AP3B1: variants seen among roughly 807,000 people sequenced by gnomAD.
AP3B1 encodes the protein adaptor related protein complex 3 subunit beta 1, also known as AP-3 complex subunit beta-1.
AP3B1 carries 61 observed loss-of-function variants against 132.5 expected under a neutral mutation model. The observed-to-expected ratio is 0.46, with a 90% CI of 0.37 to 0.57. AP3B1 has a LOEUF of 0.57. Among genes scored for constraint, AP3B1 ranks in the 20% least tolerant of loss-of-function variants. The pLI is 0.00. For synonymous variants in AP3B1, 388 were observed against 438.3 expected (o/e 0.89, Z 1.43); for missense variants, 1,120 against 1,289.4 (o/e 0.87, Z 2.01).
chr5:78,119,617 A>C (rs1752060178), intron 17 of AP3B1, among the ~76,000 whole-genome samples: 1 of 152,198 alleles, frequency 6.6e-6, no homozygotes, highest in African/African-American at 2.4e-5. Context: ...GAATGAAATG[A>C]AGTGAGAAGG....
At chr5:78,177,280 T>C (rs1744184675) in intron 9 of AP3B1, 59 bp downstream of exon 9, 1 of 1,152,824 alleles carries the variant, frequency 8.7e-7, no homozygotes, top group Non-Finnish European at 1.3e-6. Flanking sequence ...ATTACATTTG[T>C]TCAAACATTA....
chr5:78,215,455 G>A lies in AP3B1; in HGVS notation c.786+600C>T, dbSNP rs375199491. 9.9e-5 allele frequency among the ~76,000 whole-genome samples: 15 copies of A among 151,744 alleles called. No individual in the cohort carries two copies. In the East Asian group the frequency reaches 2.9e-3, roughly 29 times the overall value. On this transcript the variant is annotated intron_variant, in intron 7 of 26. Transcript: ENST00000255194. Reference sequence around the variant, plus strand: ...AGGCATACTTAAAAAAAAGAATAAGGCGTACTTCTAATGTTAATCTGCACA... The same window carrying A: ...AGGCATACTTAAAAAAAAGAATAAGACGTACTTCTAATGTTAATCTGCACA...
chr5:78,162,709 T>A (rs1198625946), intron 13 of AP3B1, 110 bp downstream of exon 13: 1 of 1,156,416 alleles, frequency 8.6e-7, no homozygotes, highest in East Asian at 2.4e-5. Flanking sequence ...ATACTACTGA[T>A]ATAACTGGAA....
At chr5:78,093,343 C>T (rs1393856819) in intron 21 of AP3B1, among the ~76,000 whole-genome samples, 2 of 152,134 alleles carry the variant, frequency 1.3e-5, no homozygotes, top group Non-Finnish European at 2.9e-5. Context: ...AGACATGAGC[C>T]ACCACACCAA....
intron 2 of AP3B1, among the ~76,000 whole-genome samples, chr5:78,246,708 G>GT (rs1355996371): frequency 6.6e-6 from 1 of 151,714 alleles, no homozygotes; most frequent in African/African-American, 2.4e-5. Context: ...AATTTGTCCT[G>GT]TTTTTTCTTG....
chr5:78,204,485 C>T (rs970390005), intron 7 of AP3B1, among the ~76,000 whole-genome samples: 7 of 152,166 alleles, frequency 4.6e-5, no homozygotes, highest in African/African-American at 1.7e-4. Context: ...TAACCCTACG[C>T]ATGAAATGGA....
intron 11 of AP3B1, among the ~76,000 whole-genome samples, chr5:78,172,985 A>G (rs1743986384): frequency 6.6e-6 from 1 of 152,208 alleles, no homozygotes; most frequent in South Asian, 2.1e-4. Context: ...GGTTTCAAAG[A>G]ACAGCTTTAT....
intron 22 of AP3B1, 117 bp downstream of exon 22, chr5:78,089,276 T>C (rs914784375): frequency 1.4e-5 from 11 of 787,936 alleles, no homozygotes; most frequent in Admixed American, 4.5e-5. Flanking sequence ...ATTGGGCTTG[T>C]TCTTAGAGAA....
chr5:78,293,072 T>C (rs887831031), intron 1 of AP3B1, among the ~76,000 whole-genome samples: 3 of 151,716 alleles, frequency 2.0e-5, no homozygotes, highest in Non-Finnish European at 2.9e-5. Context: ...AGAGACGGGG[T>C]TTCACCATGT....
chr5:78,176,466 T>C (rs1043506760), intron 9 of AP3B1, among the ~76,000 whole-genome samples: 5 of 152,126 alleles, frequency 3.3e-5, no homozygotes, highest in African/African-American at 1.2e-4. Context: ...AGAGCTACAA[T>C]TGTGGACTAA....
intron 4 of AP3B1, 91 bp from the exon 5 acceptor site, chr5:78,227,623 T>A: frequency 8.0e-7 from 1 of 1,254,748 alleles, no homozygotes; most frequent in Non-Finnish European, 1.1e-6. Context: ...GCTTAAAGGG[T>A]GTAATATGAC....
Position 78,024,215 on chromosome 5 carries a change from T to C in AP3B1, c.2895-3426A>G, listed in dbSNP as rs186684833. On this transcript the variant is annotated intron_variant, in intron 24 of 26. Coordinates refer to ENST00000255194, the MANE Select transcript of AP3B1 (RefSeq NM_003664.5). ...TGGTGAAGGACTAGAAGAAGATGTA[T>C]GTATACATACATGGAATACATATAT... 2.0e-3 allele frequency among the ~76,000 whole-genome samples: 308 copies of C among 152,210 alleles called. 2 individuals carry two copies. The highest frequency in any genetic ancestry group is 6.6e-3 in the African/African-American group (276 of 41,526).
At chr5:78,099,583 A>T (rs530948213) in intron 21 of AP3B1, among the ~76,000 whole-genome samples, 2 of 152,316 alleles carry the variant, frequency 1.3e-5, no homozygotes, top group South Asian at 4.1e-4. Context: ...GTTTATCAGT[A>T]GGATAAATTT....
intron 22 of AP3B1, among the ~76,000 whole-genome samples, chr5:78,040,512 A>G (rs1247112701): frequency 6.6e-6 from 1 of 152,154 alleles, no homozygotes; most frequent in East Asian, 1.9e-4. Context: ...TCTATTGAAC[A>G]TTAGACTCTT....
At chr5:78,181,427 C>T (rs2112413834) in intron 8 of AP3B1, 80 bp downstream of exon 8, 1 of 1,338,936 alleles carries the variant, frequency 7.5e-7, no homozygotes, top group South Asian at 1.2e-5. Context: ...CACACACAGA[C>T]TCACTTACTA....
intron 3 of AP3B1, among the ~76,000 whole-genome samples, chr5:78,238,064 G>A (rs1011820537): frequency 1.3e-5 from 2 of 152,184 alleles, no homozygotes; most frequent in Non-Finnish European, 2.9e-5. Flanking sequence ...AGCAGGCAGT[G>A]AGCAGTGGGC....
chr5:78,065,622 T>A (rs544408431), intron 22 of AP3B1, among the ~76,000 whole-genome samples: 1 of 152,192 alleles, frequency 6.6e-6, no homozygotes, highest in South Asian at 2.1e-4. Flanking sequence ...TGCAGGAATT[T>A]CAGCAACTCC....
chr5:78,178,324 T>TA (rs1207920205), intron 8 of AP3B1, among the ~76,000 whole-genome samples: 1 of 152,078 alleles, frequency 6.6e-6, no homozygotes, highest in East Asian at 1.9e-4. Context: ...TCAAAGCCAT[T>TA]ATAAGGGTGA....
At chr5:78,181,182 T>C (rs943942950) in intron 8 of AP3B1, among the ~76,000 whole-genome samples, 1 of 152,066 alleles carries the variant, frequency 6.6e-6, no homozygotes, top group Non-Finnish European at 1.5e-5. Flanking sequence ...CTTAGAAATA[T>C]CTTAAGAAAA....
Sources: gnomAD v4.1 joint callset for allele counts (sites outside exome capture counted in the v4.1 genomes callset) on GRCh38, gnomAD v4.1.1 for gene constraint, MANE v1.5 for transcripts, NCBI Gene and HGNC (gene_info 2026-07-23, HGNC 2026-07-21) for gene names.